ENTPD5: variants seen among roughly 807,000 people sequenced by gnomAD.
ENTPD5 encodes the protein nucleoside diphosphate phosphatase ENTPD5.
In ENTPD5, 49 loss-of-function variants were observed where a neutral mutation model predicts 60.2. The ratio of observed to expected loss-of-function variants is 0.81; its 90% CI spans 0.65 to 1.03. The LOEUF is 1.03. Among genes scored for constraint, ENTPD5 ranks in the 50% least tolerant of loss-of-function variants. The probability of loss-of-function intolerance (pLI) is 0.00; values close to 1 mark genes in which losing one functional copy is unlikely to be tolerated. For missense variants in ENTPD5, 480 were observed against 507.6 expected (o/e 0.95, Z 0.52); for synonymous variants, 187 against 185.4 (o/e 1.01, Z -0.07).
chr14:73,969,965 C>T (rs1193321740), intron 15 of ENTPD5, 45 bp downstream of exon 15: 10 of 1,350,946 alleles, frequency 7.4e-6, no homozygotes, highest in Non-Finnish European at 1.1e-5. Flanking sequence ...TTCTCAACCC[C>T]CACAAAAGAG....
intron 2 of ENTPD5, among the ~76,000 whole-genome samples, chr14:74,014,975 G>A (rs150970954): frequency 2.4e-4 from 36 of 152,024 alleles, no homozygotes; most frequent in Admixed American, 4.6e-4. Context: ...CCAGCTACTC[G>A]GGAGGCTGAG....
chr14:73,971,252 G>A (rs1027890343), intron 14 of ENTPD5, among the ~76,000 whole-genome samples: 2 of 151,734 alleles, frequency 1.3e-5, no homozygotes, highest in African/African-American at 4.8e-5. Context: ...CTGCCTCCCA[G>A]GTTCAAGCGA....
At chr14:73,969,431 G>A (rs367772898) in intron 15 of ENTPD5, among the ~76,000 whole-genome samples, 4 of 152,136 alleles carry the variant, frequency 2.6e-5, no homozygotes, top group South Asian at 2.1e-4. Flanking sequence ...AGTGGCTCAC[G>A]CCTGTAATCC....
Position 73,974,956 on chromosome 14 carries a change from C to T in ENTPD5, c.752G>A (p.Arg251Lys). Residue 251 changes from arginine (R) to lysine (K), a missense_variant, in exon 11 of 16, where the codon AGA becomes AAA. Physicochemically the swap from Arg to Lys is conservative, Grantham distance 26. Transcript: ENST00000334696. Reference protein sequence around the residue: ...SYLGFGLKAARLATLGALETE... With the variant: ...SYLGFGLKAAKLATLGALETE... Reference sequence around the variant, plus strand: ...CTCCAGGGCTCCCAGGGTTGCTAGTCTTGCAGCTTTCAATCCAAATCCCAG... The same window carrying T: ...CTCCAGGGCTCCCAGGGTTGCTAGTTTTGCAGCTTTCAATCCAAATCCCAG... 1.1e-5 allele frequency: 17 copies of T among 1,613,718 alleles called. No individual in the cohort carries two copies. The highest frequency in any genetic ancestry group is 1.4e-5 in the Non-Finnish European group (17 of 1,179,694).
chr14:73,971,718 T>C, intron 14 of ENTPD5, 134 bp downstream of exon 14: 1 of 698,836 alleles, frequency 1.4e-6, no homozygotes, highest in Non-Finnish European at 2.6e-6. Flanking sequence ...TAGCAAAGAC[T>C]GGAAGACTCA....
intron 3 of ENTPD5, among the ~76,000 whole-genome samples, chr14:74,003,751 T>C (rs1048399908): frequency 1.2e-4 from 18 of 150,990 alleles, no homozygotes; most frequent in Admixed American, 3.3e-4. Flanking sequence ...CGATAAATCA[T>C]CTCTTCTGCT....
At chr14:73,961,398 C>T (rs766258629), downstream of ENTPD5, 5 of 1,613,826 alleles carry the variant, frequency 3.1e-6, 1 homozygote, top group South Asian at 5.5e-5. Context: ...CAGAGCAGGG[C>T]CACTCCCTTC....
chr14:73,956,618 G>A (rs1466369755), downstream of ENTPD5: 2 of 151,304 alleles, frequency 1.3e-5, no homozygotes, highest in South Asian at 2.1e-4. Flanking sequence ...TAATGATGCT[G>A]AGTATCTTTT....
At chr14:73,962,225 C>T (rs2056774601), downstream of ENTPD5, among the ~76,000 whole-genome samples, 1 of 151,990 alleles carries the variant, frequency 6.6e-6, no homozygotes, top group African/African-American at 2.4e-5. Context: ...GGATTACAGG[C>T]GTGAGCCACT....
At chr14:73,961,262 G>T (rs372375956), downstream of ENTPD5, 1 of 1,614,130 alleles carries the variant, frequency 6.2e-7, no homozygotes, top group Non-Finnish European at 8.5e-7. Context: ...CTAAGGTCTC[G>T]GCTCGCCAGC....
At chr14:73,971,158 CTTTGT>C in intron 14 of ENTPD5, among the ~76,000 whole-genome samples, 1 of 129,634 alleles carries the variant, frequency 7.7e-6, no homozygotes, top group Non-Finnish European at 1.8e-5. Context: ...CCTAAAGCCT[CTTTGT>C]TTTTTTTTTT....
intron 3 of ENTPD5, 27 bp from the exon 4 acceptor site, chr14:73,988,199 G>A: frequency 2.0e-6 from 3 of 1,472,662 alleles, no homozygotes; most frequent in Non-Finnish European, 1.8e-6. Flanking sequence ...ACACAAGTTA[G>A]ACCAACTAGC....
At chr14:74,012,247 C>T (rs749814233) in intron 2 of ENTPD5, among the ~76,000 whole-genome samples, 33 of 151,808 alleles carry the variant, frequency 2.2e-4, no homozygotes, top group Non-Finnish European at 1.5e-4. Flanking sequence ...TGGGATTACA[C>T]GTGCCCACCA....
rs2056981134 is a variant in ENTPD5, at chr14:73,966,607, A to C, written c.*321T>G. 1 of 234,480 alleles carries C rather than the reference A, an allele frequency of 4.3e-6. No individual in the cohort carries two copies. The highest frequency in any genetic ancestry group is 5.3e-5 in the Admixed American group (1 of 18,966). The allele number at this position is 234,480 out of a possible 1,614,324, so 14.5% of individuals were successfully genotyped here. On this transcript the variant is annotated 3_prime_UTR_variant, in exon 16 of 16. Coordinates refer to ENST00000334696, the MANE Select transcript of ENTPD5 (RefSeq NM_001249.5). ...AGTTTACCATTTAAGAGGAAAATTT[A>C]AATATTCAGTGGAATGAGGCACTCA...
intron 10 of ENTPD5, among the ~76,000 whole-genome samples, chr14:73,975,714 T>C (rs2057413651): frequency 6.6e-6 from 1 of 152,168 alleles, no homozygotes; most frequent in South Asian, 2.1e-4. Context: ...CGAAAACTTT[T>C]GACTCTTAAG....
intron 1 of ENTPD5, among the ~76,000 whole-genome samples, chr14:74,018,179 GAAAA>G (rs35872561): frequency 8.2e-6 from 1 of 122,692 alleles, no homozygotes; most frequent in Non-Finnish European, 1.7e-5. Context: ...CTCTCTCTCA[GAAAA>G]AAAAAAAAAA....
At chr14:73,970,201 T>A in intron 14 of ENTPD5, 76 bp from the exon 15 acceptor site, 1 of 1,102,100 alleles carries the variant, frequency 9.1e-7, no homozygotes, top group Non-Finnish European at 1.4e-6. Flanking sequence ...TAGAAAGAAG[T>A]GGAATAGGGG....
intron 3 of ENTPD5, among the ~76,000 whole-genome samples, chr14:73,993,392 C>T (rs11621114): frequency 0.4 from 61,127 of 152,050 alleles, 13,358 homozygotes; most frequent in South Asian, 0.49. Context: ...CAAAGCAGAG[C>T]TGGAACCATC....
At chr14:73,961,748 C>T (rs2056747080), downstream of ENTPD5, 1 of 1,614,162 alleles carries the variant, frequency 6.2e-7, no homozygotes, top group South Asian at 1.1e-5. Flanking sequence ...TTCCGTGAGC[C>T]ACCTCACAGG....
Sources: allele counts gnomAD v4.1 joint callset (sites outside exome capture counted in the v4.1 genomes callset), GRCh38; gene constraint gnomAD v4.1.1; transcripts MANE v1.5; gene names NCBI Gene and HGNC (gene_info 2026-07-23, HGNC 2026-07-21).